Variants in GRM5 observed in about 807,000 individuals in gnomAD.
GRM5 encodes the protein metabotropic glutamate receptor 5.
GRM5 carries 19 observed loss-of-function variants against 83.1 expected under a neutral mutation model. The ratio of observed to expected loss-of-function variants is 0.23; its 90% CI spans 0.16 to 0.34. GRM5 has a LOEUF of 0.34. GRM5 is among the 10% of genes least tolerant of loss of function. The pLI is 1.00. For synonymous variants in GRM5, 675 were observed against 633.6 expected, an observed-to-expected ratio of 1.07 and a Z score of -0.98; for missense variants, 1,160 against 1,588.3, an observed-to-expected ratio of 0.73 and a Z score of 4.58.
chr11:88,898,420 C>A (rs1306729473), intron 2 of GRM5, among the ~76,000 whole-genome samples: 1 of 151,904 alleles, frequency 6.6e-6, no homozygotes, highest in Non-Finnish European at 1.5e-5. Flanking sequence ...GAACATAATT[C>A]AACCAAAACA....
intron 7 of GRM5, among the ~76,000 whole-genome samples, chr11:88,574,415 A>G (rs2135183211): frequency 6.6e-6 from 1 of 152,166 alleles, no homozygotes; most frequent in African/African-American, 2.4e-5. Flanking sequence ...AGAGGGCAAA[A>G]CTAGATAAGC....
chr11:88,877,410 A>G (rs1435316110), intron 2 of GRM5, among the ~76,000 whole-genome samples: 27 of 152,162 alleles, frequency 1.8e-4, no homozygotes, highest in Admixed American at 1.6e-3. Flanking sequence ...CGACTCATAC[A>G]TTATTGGTGA....
chr11:88,934,172 C>A (rs1308734307), intron 2 of GRM5, among the ~76,000 whole-genome samples: 4 of 151,798 alleles, frequency 2.6e-5, no homozygotes, highest in Middle Eastern at 3.4e-3. Flanking sequence ...TTACTAGAGG[C>A]CTTCTTCTTG....
At chr11:89,053,631 AAAAT>A (rs1451439319) in intron 1 of GRM5, among the ~76,000 whole-genome samples, 1 of 152,184 alleles carries the variant, frequency 6.6e-6, no homozygotes, top group Non-Finnish European at 1.5e-5. Context: ...GACAAGAAAC[AAAAT>A]AAATACGTAA....
intron 5 of GRM5, among the ~76,000 whole-genome samples, 184 bp downstream of exon 5, chr11:88,604,534 C>T (rs1938087946): frequency 6.6e-6 from 1 of 152,108 alleles, no homozygotes; most frequent in South Asian, 2.1e-4. Flanking sequence ...AGCACAAATG[C>T]TTTTTTCCTG....
chr11:89,018,345 T>A (rs1343905870), intron 2 of GRM5, among the ~76,000 whole-genome samples: 1 of 152,098 alleles, frequency 6.6e-6, no homozygotes, highest in African/African-American at 2.4e-5. Flanking sequence ...AGTGATGCAA[T>A]AATATGTGAA....
intron 2 of GRM5, among the ~76,000 whole-genome samples, chr11:88,977,033 A>C (rs977481296): frequency 4.6e-5 from 7 of 151,790 alleles, no homozygotes; most frequent in Non-Finnish European, 8.8e-5. Context: ...TCTATTTCTC[A>C]TGTGGGGAGA....
At chr11:89,040,221 A>G (rs1321123799) in intron 2 of GRM5, among the ~76,000 whole-genome samples, 2 of 152,096 alleles carry the variant, frequency 1.3e-5, no homozygotes, top group Non-Finnish European at 1.5e-5. Flanking sequence ...CAGTTATCTT[A>G]CTTTTAGCAC....
intron 2 of GRM5, among the ~76,000 whole-genome samples, chr11:89,035,478 G>T (rs1325781791): frequency 6.6e-6 from 1 of 150,748 alleles, no homozygotes; most frequent in Non-Finnish European, 1.5e-5. Context: ...TTGAAAAGAG[G>T]GTATATAACC....
chr11:88,978,474 T>TAAAAAA lies in GRM5; in HGVS notation c.661+68732_661+68737dup, dbSNP rs200343438. ...TAACATTAACAACAGCAGATGAGCT[T>TAAAAAA]AAAAAAAAAAAAAAAAAAAAAAAAA... is the stretch of plus-strand genomic sequence containing the variant. On this transcript the variant is annotated intron_variant, in intron 2 of 9. Transcript: ENST00000305447. Among the ~76,000 whole-genome samples, 64 of 97,944 alleles carry TAAAAAA rather than the reference T, an allele frequency of 6.5e-4. 3 individuals carry two copies. The highest frequency in any genetic ancestry group is 5.7e-3 in the Middle Eastern group (1 of 176). The allele number at this position is 97,944 out of a possible 152,430, so 64.3% of individuals were successfully genotyped here. A position where few individuals can be genotyped will look rare whatever the true frequency, so the allele number is the denominator to read the frequency against.
At chr11:88,623,954 C>T (rs1938715188) in intron 4 of GRM5, among the ~76,000 whole-genome samples, 1 of 152,132 alleles carries the variant, frequency 6.6e-6, no homozygotes, top group Non-Finnish European at 1.5e-5. Flanking sequence ...GTGATTGCAA[C>T]AAAATCTCTG....
chr11:88,918,390 C>G (rs566107563), intron 2 of GRM5, among the ~76,000 whole-genome samples: 1 of 151,852 alleles, frequency 6.6e-6, no homozygotes, highest in East Asian at 1.9e-4. Flanking sequence ...ATGTAACTAA[C>G]CTGCACATTG....
intron 3 of GRM5, among the ~76,000 whole-genome samples, chr11:88,726,283 A>T (rs1363174471): frequency 1.3e-5 from 2 of 152,190 alleles, no homozygotes; most frequent in African/African-American, 4.8e-5. Context: ...AGAAGAAAGG[A>T]TATCAGAGAT....
intron 3 of GRM5, among the ~76,000 whole-genome samples, chr11:88,848,752 C>A (rs1944340492): frequency 6.6e-6 from 1 of 151,986 alleles, no homozygotes; most frequent in African/African-American, 2.4e-5. Context: ...CTATGAGTGC[C>A]CAGACATTTT....
intron 3 of GRM5, among the ~76,000 whole-genome samples, chr11:88,698,422 T>C (rs1940951330): frequency 6.6e-6 from 1 of 152,244 alleles, no homozygotes; most frequent in African/African-American, 2.4e-5. Context: ...TAGTGCTTCT[T>C]ATATGCTGCA....
chr11:88,716,534 G>C (rs1038751187), intron 3 of GRM5, among the ~76,000 whole-genome samples: 1 of 151,892 alleles, frequency 6.6e-6, no homozygotes, highest in East Asian at 1.9e-4. Flanking sequence ...TGGGTGATTT[G>C]TATTGACTGC....
intron 2 of GRM5, among the ~76,000 whole-genome samples, chr11:88,905,593 C>T (rs1013057402): frequency 1.7e-4 from 26 of 152,116 alleles, no homozygotes; most frequent in African/African-American, 4.8e-4. Flanking sequence ...CTGTCTGCCT[C>T]GGCCTCCCAA....
At chr11:88,636,818 C>T (rs1194931592) in intron 4 of GRM5, among the ~76,000 whole-genome samples, 2 of 152,034 alleles carry the variant, frequency 1.3e-5, no homozygotes, top group Admixed American at 1.3e-4. Context: ...AATCCTTTCC[C>T]CATTGCTTGT....
chr11:88,729,808 G>GGGAAAACTGGCTAGCCATATGT (rs1941767157), intron 3 of GRM5, among the ~76,000 whole-genome samples: 1 of 152,116 alleles, frequency 6.6e-6, no homozygotes, highest in South Asian at 2.1e-4. Flanking sequence ...AAATGGTGTT[G>GGGAAAACTGGCTAGCCATATGT]GGAAAACTGG....
Sources: allele counts gnomAD v4.1 joint callset (sites outside exome capture counted in the v4.1 genomes callset), GRCh38; gene constraint gnomAD v4.1.1; transcripts MANE v1.5; gene names NCBI Gene and HGNC (gene_info 2026-07-23, HGNC 2026-07-21).